SCTR: variants seen among roughly 807,000 people sequenced by gnomAD.
SCTR encodes the protein secretin receptor.
Under a neutral mutation model 60.8 loss-of-function variants are expected in SCTR, and 56 were observed. That is an observed-to-expected ratio of 0.92 (90% confidence interval 0.74 to 1.15). SCTR has a LOEUF of 1.15. Ranked by LOEUF, SCTR falls within the 50% of genes most tolerant of loss-of-function variation. The pLI is 0.00. For missense variants in SCTR, 562 were observed against 550.4 expected, an observed-to-expected ratio of 1.02 and a Z score of -0.21; for synonymous variants, 202 against 217.0, an observed-to-expected ratio of 0.93 and a Z score of 0.61.
chr2:119,494,585 C>T, intron 1 of SCTR, 37 bp from the exon 2 acceptor site: 1 of 1,610,834 alleles, frequency 6.2e-7, no homozygotes, highest in South Asian at 1.1e-5. Flanking sequence ...ATCATTGCCA[C>T]TAACTCAATT....
chr2:119,503,302 T>C (rs1678617845), intron 1 of SCTR, among the ~76,000 whole-genome samples: 1 of 151,976 alleles, frequency 6.6e-6, no homozygotes, highest in Non-Finnish European at 1.5e-5. Flanking sequence ...AGTGGCGTCT[T>C]ACACTTGTAA....
rs1678267912 is a variant in SCTR at position 119,494,428 on chromosome 2, C to A, written c.193G>T (p.Gly65Cys). ...GDLGTEQPVP[G>C]CEGMWDNISC... ...ACATGGGCTGTGGCAAGCCTCATAC[C>A]TGGCACTGGCTGCTCCGTGCCCAGG... Residue 65 changes from glycine (G) to cysteine (C), a missense_variant and splice_region_variant, in exon 2 of 13, where the codon GGT becomes TGT. By Grantham distance (159) the Gly-to-Cys change is radical. Transcript: ENST00000019103. The A allele has an allele frequency of 6.2e-7, 1 of 1,613,480 alleles. No homozygotes were observed. Among genetic ancestry groups the A allele is most frequent in the African/African-American group, 1.3e-5 (1 of 74,904 alleles).
intron 1 of SCTR, 95 bp downstream of exon 1, chr2:119,524,060 T>C: frequency 2.2e-6 from 2 of 901,464 alleles, no homozygotes. Context: ...GAAGATCTGC[T>C]AGTCCCTCTC....
chr2:119,441,989 T>G (rs982586638), intron 11 of SCTR, among the ~76,000 whole-genome samples: 2 of 152,208 alleles, frequency 1.3e-5, no homozygotes, highest in Non-Finnish European at 2.9e-5. Flanking sequence ...CCCTGTGTGG[T>G]CTTATTTCAA....
At chr2:119,446,627 G>T in intron 11 of SCTR, 132 bp downstream of exon 11, 1 of 864,790 alleles carries the variant, frequency 1.2e-6, no homozygotes, top group Non-Finnish European at 1.6e-6. Flanking sequence ...AGCACTGTCA[G>T]GTCCGACCCC....
intron 5 of SCTR, among the ~76,000 whole-genome samples, chr2:119,464,916 C>A (rs1683768046): frequency 6.6e-6 from 1 of 152,202 alleles, no homozygotes; most frequent in South Asian, 2.1e-4. Context: ...TGCCACTTAG[C>A]AGCTATATGA....
chr2:119,479,194 T>C (rs1677486028), intron 2 of SCTR: 2 of 1,010,716 alleles, frequency 2.0e-6, no homozygotes, highest in Non-Finnish European at 2.4e-6. Context: ...CGCCCTCTCC[T>C]ATAAGCTTTG....
At chr2:119,477,320 C>T (rs767701317) in intron 3 of SCTR, among the ~76,000 whole-genome samples, 4 of 152,178 alleles carry the variant, frequency 2.6e-5, no homozygotes, top group Non-Finnish European at 4.4e-5. Flanking sequence ...CTTTCCTCTC[C>T]GCCAGTCAGC....
At chr2:119,490,964 G>A (rs1467997852) in intron 2 of SCTR, among the ~76,000 whole-genome samples, 6 of 152,148 alleles carry the variant, frequency 3.9e-5, no homozygotes, top group Non-Finnish European at 7.3e-5. Context: ...ACTTGGAGGC[G>A]TGTGTTCCAC....
intron 3 of SCTR, among the ~76,000 whole-genome samples, chr2:119,478,247 T>C (rs79969106): frequency 0.013 from 2,019 of 152,352 alleles, 46 homozygotes; most frequent in African/African-American, 0.046. Context: ...TGAGCCCGTA[T>C]GTACATATAA....
intron 9 of SCTR, among the ~76,000 whole-genome samples, chr2:119,450,051 AAAG>A (rs1174276960): frequency 2.1e-4 from 31 of 144,544 alleles, no homozygotes; most frequent in Middle Eastern, 6.8e-3. Context: ...AAGAAAGAAA[AAAG>A]AAAGAAAAAG....
chr2:119,483,677 A>G (rs370908992), intron 2 of SCTR, among the ~76,000 whole-genome samples: 1 of 152,252 alleles, frequency 6.6e-6, no homozygotes, highest in Non-Finnish European at 1.5e-5. Context: ...TATTAGAAAC[A>G]TTATAAAACT....
chr2:119,461,582 A>G (rs1683604025), intron 7 of SCTR, among the ~76,000 whole-genome samples: 1 of 152,124 alleles, frequency 6.6e-6, no homozygotes, highest in South Asian at 2.1e-4. Flanking sequence ...GTGGTGGCAC[A>G]TGCCTGTAAT....
intron 7 of SCTR, among the ~76,000 whole-genome samples, chr2:119,454,095 G>A (rs1683278914): frequency 6.6e-6 from 1 of 152,172 alleles, no homozygotes; most frequent in Non-Finnish European, 1.5e-5. Flanking sequence ...AACACGCTTA[G>A]GCACACAGAA....
intron 8 of SCTR, 34 bp downstream of exon 8, chr2:119,453,253 A>T: frequency 6.7e-7 from 1 of 1,488,876 alleles, no homozygotes; most frequent in Non-Finnish European, 9.4e-7. Context: ...ACGATGTCAG[A>T]TACATTCTTG....
chr2:119,460,521 G>A (rs978089206), intron 7 of SCTR, among the ~76,000 whole-genome samples: 5 of 152,128 alleles, frequency 3.3e-5, no homozygotes, highest in Non-Finnish European at 5.9e-5. Context: ...AAACAGACAA[G>A]TCTTGGCTTG....
intron 3 of SCTR, among the ~76,000 whole-genome samples, chr2:119,478,209 G>A (rs1677423045): frequency 6.6e-6 from 1 of 152,336 alleles, no homozygotes; most frequent in Middle Eastern, 3.4e-3. Context: ...AAAGTCCTGT[G>A]ATCTGCAGGG....
intron 7 of SCTR, among the ~76,000 whole-genome samples, chr2:119,458,435 A>C (rs1286828255): frequency 2.6e-5 from 4 of 151,960 alleles, no homozygotes; most frequent in Admixed American, 2.6e-4. Context: ...CCCCGTCTCC[A>C]CTAAAAACAC....
At chr2:119,514,094 C>G (rs117488071) in intron 1 of SCTR, among the ~76,000 whole-genome samples, 2,188 of 152,262 alleles carry the variant, frequency 0.014, 58 homozygotes, top group East Asian at 0.071. Flanking sequence ...TATAAGTTCA[C>G]CTCTTGCTTG....
Sources: gnomAD v4.1 joint callset for allele counts (sites outside exome capture counted in the v4.1 genomes callset) on GRCh38, gnomAD v4.1.1 for gene constraint, MANE v1.5 for transcripts, NCBI Gene and HGNC (gene_info 2026-07-23, HGNC 2026-07-21) for gene names.